The following CELF2 variants were observed in gnomAD, a reference collection of about 807,000 sequenced individuals.
CELF2 encodes CUG triplet repeat RNA-binding protein 2.
A neutral mutation model predicts 62.6 loss-of-function variants in CELF2; 8 were observed. The ratio of observed to expected loss-of-function variants is 0.13; its 90% CI spans 0.07 to 0.23. The LOEUF is 0.23. CELF2 is among the 10% of genes least tolerant of loss of function. The pLI is 1.00. For missense variants in CELF2, 333 were observed against 671.0 expected (o/e 0.50, Z 5.56); for synonymous variants, 258 against 250.0 (o/e 1.03, Z -0.30).
chr10:10,738,917 A>T, the CELF2 span, among the ~76,000 whole-genome samples: 1 of 152,196 alleles, frequency 6.6e-6, no homozygotes, highest in Non-Finnish European at 1.5e-5. Flanking sequence ...AATTGTAAAA[A>T]ATATTCCATA....
chr10:10,789,183 T>A, the CELF2 span: 1 of 152,178 alleles, frequency 6.6e-6, no homozygotes, highest in Non-Finnish European at 1.5e-5. Context: ...CCTCTATGGT[T>A]CCTCTCTGGG....
intron 1 of CELF2, among the ~76,000 whole-genome samples, chr10:11,104,003 CA>C (rs1435818908): frequency 6.6e-6 from 1 of 152,150 alleles, no homozygotes; most frequent in East Asian, 1.9e-4. Context: ...TTTTATTCAG[CA>C]AAGCATGAAA....
At chr10:11,199,317 C>G (rs868123396) in intron 2 of CELF2, among the ~76,000 whole-genome samples, 21 of 152,176 alleles carry the variant, frequency 1.4e-4, no homozygotes, top group African/African-American at 4.6e-4. Context: ...GCTTTTCCCC[C>G]CTCTTGAACA....
intron 1 of CELF2, among the ~76,000 whole-genome samples, chr10:11,050,354 T>A (rs1439554102): frequency 6.6e-6 from 1 of 152,190 alleles, no homozygotes; most frequent in Non-Finnish European, 1.5e-5. Flanking sequence ...CTACATTGTC[T>A]GGACATTATT....
At chr10:10,760,183 C>A in the CELF2 span, among the ~76,000 whole-genome samples, 1 of 152,196 alleles carries the variant, frequency 6.6e-6, no homozygotes, top group African/African-American at 2.4e-5. Flanking sequence ...GGATTATAGA[C>A]GTGAGCCACT....
Position 11,121,096 on chromosome 10 carries a change from G to A in CELF2, c.75-44390G>A, listed in dbSNP as rs113308836. ...ACCACCTTAGACCCATATCTTGCCC[G>A]AGAAGTTTATAAGTCTACACAATTG... On this transcript the variant is annotated intron_variant, in intron 1 of 12. Coordinates refer to ENST00000633077, the MANE Select transcript of CELF2 (RefSeq NM_001326342.2). Among the ~76,000 whole-genome samples the A allele has an allele frequency of 5.2e-3, 796 of 152,234 alleles. 10 individuals are homozygous for A. The highest frequency in any genetic ancestry group is 0.018 in the African/African-American group (757 of 41,540).
At chr10:11,303,200 G>T (rs967231188) in intron 9 of CELF2, among the ~76,000 whole-genome samples, 1 of 152,156 alleles carries the variant, frequency 6.6e-6, no homozygotes, top group African/African-American at 2.4e-5. Flanking sequence ...TCTTTCTCAC[G>T]TCAAGACCTA....
At chr10:11,051,872 T>G (rs2063992847) in intron 1 of CELF2, among the ~76,000 whole-genome samples, 2 of 151,822 alleles carry the variant, frequency 1.3e-5, no homozygotes, top group African/African-American at 4.8e-5. Flanking sequence ...CAGGTTTTTG[T>G]TTTTTTGTGT....
rs2080352282 is a variant in CELF2, at chr10:11,260,945, TG to T, written c.538+3075del. On this transcript the variant is annotated intron_variant, in intron 5 of 12. Transcript: ENST00000633077. This position sits in a 1 kb window ranked among gnomAD's most constrained non-coding sequence, Gnocchi z 4.2. ...CAAATATTAATGTGTCTCCCATTAG[TG>T]GCACTGCAGATAAAGGGCATTCAGC... 6.6e-6 allele frequency among the ~76,000 whole-genome samples: 1 copy of T among 152,218 alleles called. No individual in the cohort carries two copies. Among genetic ancestry groups the T allele is most frequent in the Admixed American group, 6.5e-5 (1 of 15,284 alleles).
rs571593584 is a variant in CELF2 at position 11,315,203 on chromosome 10, C to A, written c.1096+945C>A. ...ATTTCCCTGTCCCTCCGTTTCAGAT[C>A]CCCTGGTTGCCTGAGAGTAGCCAAG... On this transcript the variant is annotated intron_variant, in intron 10 of 12. Transcript: ENST00000633077. The surrounding 1 kb of genome is among the most constrained non-coding windows in gnomAD (Gnocchi z 5.8). Among the ~76,000 whole-genome samples, 8 of 152,274 alleles carry A rather than the reference C, an allele frequency of 5.3e-5. No individual in the cohort carries two copies. The highest frequency in any genetic ancestry group is 1.9e-4 in the African/African-American group (8 of 41,546).
At chr10:10,824,130 G>T (rs1052633628) in intron 1 of CELF2, among the ~76,000 whole-genome samples, 1 of 152,144 alleles carries the variant, frequency 6.6e-6, no homozygotes, top group African/African-American at 2.4e-5. Flanking sequence ...TTTGGAATTT[G>T]TTTCTATTAT....
chr10:10,978,139 G>A (rs907985587), intron 2 of CELF2, among the ~76,000 whole-genome samples: 26 of 147,322 alleles, frequency 1.8e-4, no homozygotes, highest in African/African-American at 6.0e-4. Context: ...TACTGTACTT[G>A]ACTCATCCTG....
At chr10:10,648,176 C>A in the CELF2 span, among the ~76,000 whole-genome samples, 37 of 152,272 alleles carry the variant, frequency 2.4e-4, no homozygotes, top group African/African-American at 8.4e-4. Context: ...GCACCTCATC[C>A]CCATGTTGAC....
At chr10:11,123,686 T>C (rs2058171096) in intron 1 of CELF2, among the ~76,000 whole-genome samples, 1 of 152,232 alleles carries the variant, frequency 6.6e-6, no homozygotes, top group South Asian at 2.1e-4. Flanking sequence ...GAAAAGAGCC[T>C]GCTACCCCCA....
At chr10:11,067,641 C>G (rs1448178368) in intron 1 of CELF2, among the ~76,000 whole-genome samples, 3 of 152,180 alleles carry the variant, frequency 2.0e-5, no homozygotes, top group Admixed American at 1.3e-4. Flanking sequence ...GACAACACCT[C>G]TTAGTGCCCA....
chr10:10,946,554 T>G (rs1234292366), intron 2 of CELF2: 2 of 152,600 alleles, frequency 1.3e-5, no homozygotes, highest in African/African-American at 4.8e-5. Flanking sequence ...CTCAGTAGAC[T>G]GTTGGAAATC....
At chr10:10,743,562 A>G in the CELF2 span, among the ~76,000 whole-genome samples, 1 of 152,252 alleles carries the variant, frequency 6.6e-6, no homozygotes, top group Non-Finnish European at 1.5e-5. Context: ...TATGAGTGCA[A>G]GAACATTTTA....
At chr10:11,143,099 A>G (rs1345664237) in intron 1 of CELF2, among the ~76,000 whole-genome samples, 1 of 150,708 alleles carries the variant, frequency 6.6e-6, no homozygotes, top group Non-Finnish European at 1.5e-5. Context: ...CCACTGGGGA[A>G]TCTCGCTCCC....
At chr10:11,076,055 C>G (rs2071817555) in intron 1 of CELF2, among the ~76,000 whole-genome samples, 1 of 151,838 alleles carries the variant, frequency 6.6e-6, no homozygotes, top group Non-Finnish European at 1.5e-5. Context: ...GAAGGAAAAA[C>G]AAGTCAGATC....
Sources: allele counts gnomAD v4.1 joint callset (sites outside exome capture counted in the v4.1 genomes callset), GRCh38; gene constraint gnomAD v4.1.1; non-coding constraint Gnocchi (gnomAD v3.1); transcripts MANE v1.5; gene names NCBI Gene and HGNC (gene_info 2026-07-23, HGNC 2026-07-21).